SOS1: variants seen among roughly 807,000 people sequenced by gnomAD.
SOS1 encodes the protein son of sevenless homolog 1.
In SOS1, 25 loss-of-function variants were observed where a neutral mutation model predicts 157.6. The observed-to-expected ratio is 0.16, with a 90% CI of 0.12 to 0.22. The LOEUF is 0.22. Among genes scored for constraint, SOS1 ranks in the 10% least tolerant of loss-of-function variants. SOS1 has a pLI of 1.00. For synonymous variants in SOS1, 528 were observed against 534.0 expected (o/e 0.99, Z 0.16); for missense variants, 1,237 against 1,599.1 (o/e 0.77, Z 3.86).
At chr2:39,021,063 T>C (rs1050259539) in intron 10 of SOS1, among the ~76,000 whole-genome samples, 2 of 151,728 alleles carry the variant, frequency 1.3e-5, no homozygotes, top group Non-Finnish European at 3.0e-5. Flanking sequence ...AAGTGTTTTA[T>C]ATTCATTATA....
intron 15 of SOS1, among the ~76,000 whole-genome samples, chr2:39,009,104 A>G (rs1001837554): frequency 6.6e-6 from 1 of 152,112 alleles, no homozygotes; most frequent in Non-Finnish European, 1.5e-5. Flanking sequence ...AAAAGAAGGA[A>G]AGGAAGGTAT....
chr2:39,067,561 G>A, intron 2 of SOS1, 67 bp downstream of exon 2: 1 of 1,419,956 alleles, frequency 7.0e-7, no homozygotes. Context: ...TTCTTTCCCT[G>A]TTCACTGACA....
chr2:39,101,999 A>G (rs1342073889), intron 1 of SOS1, among the ~76,000 whole-genome samples: 5 of 149,474 alleles, frequency 3.3e-5, no homozygotes, highest in Non-Finnish European at 5.9e-5. Context: ...CTAGGTCAGG[A>G]GTTCGAGACC....
intron 1 of SOS1, among the ~76,000 whole-genome samples, chr2:39,069,531 C>T (rs1171993131): frequency 6.6e-6 from 1 of 152,016 alleles, no homozygotes; most frequent in Non-Finnish European, 1.5e-5. Context: ...AGAGTATGAG[C>T]TTTAAAACAA....
At chr2:39,085,482 G>T (rs1025061964) in intron 1 of SOS1, among the ~76,000 whole-genome samples, 2 of 152,222 alleles carry the variant, frequency 1.3e-5, no homozygotes, top group Admixed American at 6.5e-5. Flanking sequence ...GATAGCAACT[G>T]TGATCCAAGT....
At chr2:39,118,131 C>T (rs1475680080) in intron 1 of SOS1, among the ~76,000 whole-genome samples, 2 of 152,064 alleles carry the variant, frequency 1.3e-5, no homozygotes, top group Admixed American at 6.6e-5. Flanking sequence ...AAAAAGAAAA[C>T]AAAGGAGTAA....
rs1433351757 is a variant in SOS1, at chr2:38,987,570, A to T, written c.3413T>A (p.Ile1138Lys). The part of the protein sequence containing the change: ...HGPRSASVSS[I>K]SLTKGTDEVP... ...TTCATCAGTGCCTTTGGTTAAACTT[A>T]TAGATGATACAGAAGCAGATCCTGT... The change falls in exon 22 of 23, where the codon ATA becomes AAA. Residue 1138 changes from isoleucine to lysine, a missense_variant. Coordinates refer to ENST00000402219, the MANE Select transcript of SOS1 (RefSeq NM_005633.4). 1.9e-6 allele frequency: 3 copies of T among 1,577,512 alleles called. No homozygotes were observed. The highest frequency in any genetic ancestry group is 1.7e-5 in the Admixed American group (1 of 59,498).
chr2:39,071,570 TA>T (rs1374953652), intron 1 of SOS1, among the ~76,000 whole-genome samples: 1 of 152,132 alleles, frequency 6.6e-6, no homozygotes, highest in Non-Finnish European at 1.5e-5. Context: ...GAGAAGATAA[TA>T]AATGTTAAAA....
At position 38,985,828 on chromosome 2, in the gene SOS1, G is replaced by A. The variant is rs2124453911; in HGVS notation, c.3998C>T (p.Ser1333Phe). The A allele has an allele frequency of 6.2e-7, 1 of 1,613,736 alleles. No individual in the cohort carries two copies. The highest frequency in any genetic ancestry group is 8.5e-7 in the Non-Finnish European group (1 of 1,179,758). ...TACATCCCAGTACAGAGGAACTCAG[G>A]AAGAATGGGCATTCTCCAACAGTGG... ...GPPLLENAHS[S>F] The change falls in exon 23 of 23, where the codon TCC becomes TTC. Residue 1333 changes from serine to phenylalanine, a missense_variant. By Grantham distance (155) the Ser-to-Phe change is radical. Around this residue, in one of 15 missense-constraint regions of SOS1, gnomAD observed 306 missense variants for 322.6 expected, o/e 0.95. Transcript: ENST00000402219.
chr2:39,013,650 G>A (rs1669536702), intron 12 of SOS1, 87 bp from the exon 13 acceptor site: 10 of 1,010,428 alleles, frequency 9.9e-6, no homozygotes, highest in Non-Finnish European at 1.4e-5. Context: ...TGAAAATGCA[G>A]TAACTCTTAC....
At chr2:39,070,021 T>C (rs564294826) in intron 1 of SOS1, among the ~76,000 whole-genome samples, 7 of 152,286 alleles carry the variant, frequency 4.6e-5, no homozygotes, top group East Asian at 1.9e-4. Flanking sequence ...GTTAAAATAA[T>C]AGACAGTGTG....
At chr2:39,013,014 G>A (rs1669518343) in intron 13 of SOS1, among the ~76,000 whole-genome samples, 1 of 152,080 alleles carries the variant, frequency 6.6e-6, no homozygotes, top group African/African-American at 2.4e-5. Context: ...GAAAACTGAA[G>A]TCTAAAGAAT....
At position 39,010,267 on chromosome 2, in the gene SOS1, G is replaced by T. The variant is rs573607430; in HGVS notation, c.2510+317C>A. Among the ~76,000 whole-genome samples, 53 of 148,638 alleles carry T rather than the reference G, an allele frequency of 3.6e-4. 1 individual carries two copies. Among genetic ancestry groups the T allele is most frequent in the African/African-American group, 1.3e-3 (53 of 40,242 alleles). ...GAAGGTGGAGGTTGCAGTGAGCTGA[G>T]ATCACACCACTGCACTCCAGCCTGG... On this transcript the variant is annotated intron_variant, in intron 15 of 22. Coordinates refer to ENST00000402219, the MANE Select transcript of SOS1 (RefSeq NM_005633.4).
At position 39,084,195 on chromosome 2, in the gene SOS1, C is replaced by T. The variant is rs72799470; in HGVS notation, c.88-16442G>A. On this transcript the variant is annotated intron_variant, in intron 1 of 22. Coordinates refer to ENST00000402219, the MANE Select transcript of SOS1 (RefSeq NM_005633.4). ...TGTTTAAGCCACTTAGTCTGTGGTA[C>T]TTATTATGGCACCCCTAGCAAACTA... Among the ~76,000 whole-genome samples the T allele has an allele frequency of 9.6e-3, 1,459 of 152,222 alleles. 8 individuals are homozygous for T. The highest frequency in any genetic ancestry group is 0.024 in the Middle Eastern group (7 of 294).
chr2:39,112,812 G>A (rs1412825191), intron 1 of SOS1, among the ~76,000 whole-genome samples: 1 of 152,154 alleles, frequency 6.6e-6, no homozygotes, highest in East Asian at 1.9e-4. Flanking sequence ...GCCGAGGCGG[G>A]CAGACTGCCT....
intron 20 of SOS1, chr2:38,992,143 A>G (rs993804370): frequency 1.3e-5 from 2 of 152,174 alleles, no homozygotes; most frequent in Admixed American, 1.3e-4. Flanking sequence ...GTGGGTAGCA[A>G]GTTGGAGGCT....
At chr2:39,006,283 A>C in intron 17 of SOS1, 129 bp downstream of exon 17, 1 of 710,596 alleles carries the variant, frequency 1.4e-6, no homozygotes, top group South Asian at 1.6e-5. Context: ...AAAGGGCTTC[A>C]GGTGCTAAAT....
intron 1 of SOS1, among the ~76,000 whole-genome samples, chr2:39,103,933 A>G (rs1043386419): frequency 6.6e-6 from 1 of 152,232 alleles, no homozygotes; most frequent in Non-Finnish European, 1.5e-5. Context: ...TCAAGAATAT[A>G]TAATAAGGAT....
chr2:39,078,612 G>A (rs1156692710), intron 1 of SOS1, among the ~76,000 whole-genome samples: 2 of 152,138 alleles, frequency 1.3e-5, no homozygotes, highest in African/African-American at 2.4e-5. Flanking sequence ...TCATGGGACC[G>A]TGAACCCTAC....
Sources: allele counts gnomAD v4.1 joint callset (sites outside exome capture counted in the v4.1 genomes callset), GRCh38; gene constraint gnomAD v4.1.1; regional missense constraint gnomAD v4.1.1; transcripts MANE v1.5; gene names NCBI Gene and HGNC (gene_info 2026-07-23, HGNC 2026-07-21).